Variants in OPCML observed in about 807,000 individuals in gnomAD.
The protein encoded by OPCML is opioid-binding protein/cell adhesion molecule.
OPCML carries 13 observed loss-of-function variants against 37.8 expected under a neutral mutation model. The ratio of observed to expected loss-of-function variants is 0.34; its 90% confidence interval spans 0.22 to 0.55. The LOEUF (loss-of-function observed/expected upper bound fraction) is 0.55, where lower values mean the gene tolerates loss of function less well. Among genes scored for constraint, OPCML ranks in the 20% least tolerant of loss-of-function variants. The pLI is 0.91. For synonymous variants in OPCML, 176 were observed against 168.8 expected (o/e 1.04, Z -0.33); for missense variants, 341 against 435.6 (o/e 0.78, Z 1.93).
intron 2 of OPCML, among the ~76,000 whole-genome samples, chr11:132,827,920 C>T (rs1015586101): frequency 2.6e-5 from 4 of 152,030 alleles, no homozygotes; most frequent in Non-Finnish European, 4.4e-5. Context: ...TGTGAGCCAC[C>T]GCGCCTGGCC....
At chr11:133,381,921 G>C (rs1212784147) in intron 1 of OPCML, among the ~76,000 whole-genome samples, 1 of 152,216 alleles carries the variant, frequency 6.6e-6, no homozygotes, top group Non-Finnish European at 1.5e-5. Context: ...AGCTGCTCCT[G>C]TCCCTCTGAG....
chr11:133,442,078 C>T (rs1003002231), intron 1 of OPCML, among the ~76,000 whole-genome samples: 2 of 152,108 alleles, frequency 1.3e-5, no homozygotes, highest in South Asian at 4.1e-4. Flanking sequence ...ACAACCAAGC[C>T]TTATAGTGAG....
chr11:133,045,835 G>A (rs115994196), intron 1 of OPCML, among the ~76,000 whole-genome samples: 1 of 152,232 alleles, frequency 6.6e-6, no homozygotes, highest in African/African-American at 2.4e-5. Context: ...CCTGCCAAGG[G>A]AAGGCTTCTT....
chr11:132,713,518 G>A (rs1221466538), intron 2 of OPCML, among the ~76,000 whole-genome samples: 6 of 152,106 alleles, frequency 3.9e-5, no homozygotes, highest in Non-Finnish European at 8.8e-5. Context: ...ATAAAAAAAG[G>A]ATCTTATAGA....
At chr11:133,440,762 T>TTTATATATA (rs1946347371) in intron 1 of OPCML, among the ~76,000 whole-genome samples, 1 of 126,958 alleles carries the variant, frequency 7.9e-6, no homozygotes, top group Non-Finnish European at 1.6e-5. Flanking sequence ...CCTACAGCAA[T>TTTATATATA]TATATATATA....
chr11:133,360,080 T>C (rs1034875692), intron 1 of OPCML: 1 of 152,202 alleles, frequency 6.6e-6, no homozygotes, highest in Non-Finnish European at 1.5e-5. Flanking sequence ...TTATTGAACA[T>C]TGACAATGTG....
chr11:132,575,351 G>A lies in OPCML; in HGVS notation c.380-46165C>T, dbSNP rs560344594. ...TTCTTCATTAACTGTTTTCCTTTGT[G>A]TTTTACTATTTATTTTTGTACTGAT... On this transcript the variant is annotated intron_variant, in intron 3 of 7. Transcript: ENST00000524381. 5.3e-4 allele frequency among the ~76,000 whole-genome samples: 80 copies of A among 151,952 alleles called. 1 individual carries two copies. The highest frequency in any genetic ancestry group is 1.9e-3 in the African/African-American group (77 of 41,512).
In OPCML at chr11:132,505,357, G is replaced by A. The variant is rs912141958; in HGVS notation, c.505+23704C>T. Among the ~76,000 whole-genome samples, 3 of 152,230 alleles carry A rather than the reference G, an allele frequency of 2.0e-5. No homozygotes were observed. In the South Asian group the frequency reaches 6.2e-4, roughly 32 times the overall value. On this transcript the variant is annotated intron_variant, in intron 4 of 7. Coordinates refer to ENST00000524381, the MANE Select transcript of OPCML (RefSeq NM_001012393.5). Reference sequence around the variant, plus strand: ...TGTACTCAATTCATGTGATCGAGCCGTACACTTAAAAAGGTTAAAGTGGTA... The same window carrying A: ...TGTACTCAATTCATGTGATCGAGCCATACACTTAAAAAGGTTAAAGTGGTA...
intron 2 of OPCML, among the ~76,000 whole-genome samples, chr11:132,756,490 C>G (rs1004027971): frequency 6.6e-6 from 1 of 152,216 alleles, no homozygotes; most frequent in South Asian, 2.1e-4. Context: ...TGCCATGTTG[C>G]TCCTAGGTGC....
chr11:133,373,425 AT>A (rs1195466482), intron 1 of OPCML, among the ~76,000 whole-genome samples: 6 of 15,462 alleles, frequency 3.9e-4, no homozygotes, highest in Non-Finnish European at 6.8e-4. Flanking sequence ...CTTAATTAAA[AT>A]ATATATATAT....
At chr11:132,625,479 T>G (rs1939683886) in intron 3 of OPCML, among the ~76,000 whole-genome samples, 1 of 152,184 alleles carries the variant, frequency 6.6e-6, no homozygotes, top group South Asian at 2.1e-4. Flanking sequence ...CCAGCATCTC[T>G]GAGCCGAGGC....
rs952430080 is a variant in OPCML, at chr11:133,350,056, A to G, written c.61+182208T>C. Among the ~76,000 whole-genome samples, 11 of 152,134 alleles carry G rather than the reference A, an allele frequency of 7.2e-5. 1 individual carries two copies. Among genetic ancestry groups the G allele is most frequent in the Non-Finnish European group, 1.5e-4 (10 of 68,018 alleles). ...AGAGCCTTCCTGTCCTTTTAATTCCACGATGGTCTGGATAGAAAAGCCAAC... is the reference window on the plus strand; with the variant it reads ...AGAGCCTTCCTGTCCTTTTAATTCCGCGATGGTCTGGATAGAAAAGCCAAC... On this transcript the variant is annotated intron_variant, in intron 1 of 7. Coordinates refer to ENST00000524381, the MANE Select transcript of OPCML (RefSeq NM_001012393.5).
chr11:132,526,786 G>C (rs1591508225), intron 4 of OPCML, among the ~76,000 whole-genome samples: 1 of 151,740 alleles, frequency 6.6e-6, no homozygotes, highest in African/African-American at 2.4e-5. Flanking sequence ...TTTTTTTACA[G>C]TTTTATTAGT....
Position 132,417,325 on chromosome 11 carries a change from G to A in OPCML, c.*2868C>T, listed in dbSNP as rs528464644. 1 of 152,370 alleles carries A rather than the reference G, an allele frequency of 6.6e-6. No individual in the cohort carries two copies. The highest frequency in any genetic ancestry group is 2.1e-4 in the South Asian group (1 of 4,828). The allele number at this position is 152,370 out of a possible 1,614,324, so 9.4% of individuals were successfully genotyped here. A position where few individuals can be genotyped will look rare whatever the true frequency, so the allele number is the denominator to read the frequency against. On this transcript the variant is annotated 3_prime_UTR_variant, in exon 8 of 8. Transcript: ENST00000524381. ...CACAAAAACACAGAAGCAGAAATAT[G>A]TCTGTTGTGAAGAAGTCATTTTCAC...
In OPCML at chr11:133,344,649, A is replaced by C. The variant is rs553714208; in HGVS notation, c.61+187615T>G. Reference sequence around the variant, plus strand: ...ACCTCCTACTTCTCTCTTTTTGAGAACCCCCCACACTTCTATCTCTTGCTG... The same window carrying C: ...ACCTCCTACTTCTCTCTTTTTGAGACCCCCCCACACTTCTATCTCTTGCTG... On this transcript the variant is annotated intron_variant, in intron 1 of 7. Transcript: ENST00000524381. 1.6e-3 allele frequency among the ~76,000 whole-genome samples: 238 copies of C among 151,866 alleles called. 1 individual carries two copies. The highest frequency in any genetic ancestry group is 3.4e-3 in the Middle Eastern group (1 of 294).
chr11:132,545,120 T>A (rs990087402), intron 3 of OPCML, among the ~76,000 whole-genome samples: 2 of 152,160 alleles, frequency 1.3e-5, no homozygotes, highest in East Asian at 3.8e-4. Flanking sequence ...AGGGTAACAA[T>A]TGCTTGTTTT....
intron 3 of OPCML, among the ~76,000 whole-genome samples, chr11:132,649,763 A>G (rs1317969757): frequency 6.6e-6 from 1 of 152,070 alleles, no homozygotes; most frequent in Non-Finnish European, 1.5e-5. Context: ...ACTCGTATAC[A>G]TATATATGCT....
chr11:133,082,319 G>A (rs1411671099), intron 1 of OPCML, among the ~76,000 whole-genome samples: 1 of 151,304 alleles, frequency 6.6e-6, no homozygotes, highest in Non-Finnish European at 1.5e-5. Flanking sequence ...CCCGGCTGGG[G>A]CAAAGGGAAG....
At chr11:133,225,110 T>A (rs1475978997) in intron 1 of OPCML, among the ~76,000 whole-genome samples, 1 of 152,224 alleles carries the variant, frequency 6.6e-6, no homozygotes, top group African/African-American at 2.4e-5. Flanking sequence ...GACACAGTAG[T>A]AATAACTCAG....
Sources: allele counts gnomAD v4.1 joint callset (sites outside exome capture counted in the v4.1 genomes callset), GRCh38; gene constraint gnomAD v4.1.1; transcripts MANE v1.5; gene names NCBI Gene and HGNC (gene_info 2026-07-23, HGNC 2026-07-21).